CRYZL1: variants seen among roughly 807,000 people sequenced by gnomAD.
The protein encoded by CRYZL1 is crystallin zeta like 1, also known as ferry endosomal RAB5 effector complex subunit 4.
Under a neutral mutation model 50.6 loss-of-function variants are expected in CRYZL1, and 34 were observed. The observed-to-expected ratio is 0.67, with a 90% CI of 0.51 to 0.89. CRYZL1 has a LOEUF of 0.89. CRYZL1 is among the 40% of genes least tolerant of loss of function. The pLI is 0.00. For missense variants in CRYZL1, 354 were observed against 402.3 expected (o/e 0.88, Z 1.03); for synonymous variants, 125 against 134.3 (o/e 0.93, Z 0.48).
intron 6 of CRYZL1, among the ~76,000 whole-genome samples, chr21:33,608,740 T>C (rs985057618): frequency 6.6e-6 from 1 of 152,206 alleles, no homozygotes; most frequent in African/African-American, 2.4e-5. Context: ...TTCCATTGTG[T>C]ATATCTATAT....
chr21:33,620,609 G>A (rs190826729), intron 4 of CRYZL1, among the ~76,000 whole-genome samples: 131 of 151,780 alleles, frequency 8.6e-4, no homozygotes, highest in East Asian at 3.9e-4. Context: ...TCAGGAGTTC[G>A]AGACCAGCCT....
intron 1 of CRYZL1, among the ~76,000 whole-genome samples, chr21:33,639,540 C>T (rs74331263): frequency 6.6e-6 from 1 of 152,078 alleles, no homozygotes; most frequent in Non-Finnish European, 1.5e-5. Flanking sequence ...GGGATCCTCC[C>T]GAAACTCTAC....
At chr21:33,602,071 C>A (rs1394107863) in intron 8 of CRYZL1, among the ~76,000 whole-genome samples, 163 bp downstream of exon 8, 1 of 150,958 alleles carries the variant, frequency 6.6e-6, no homozygotes, top group East Asian at 1.9e-4. Flanking sequence ...AACTCCTGGG[C>A]TCAAGCAATC....
intron 8 of CRYZL1, among the ~76,000 whole-genome samples, chr21:33,600,912 C>A (rs554022297): frequency 2.2e-5 from 3 of 136,638 alleles, no homozygotes; most frequent in African/African-American, 5.5e-5. Flanking sequence ...TAGGTATGAG[C>A]CACTGTGCCC....
At chr21:33,615,866 G>T (rs2086924160) in intron 5 of CRYZL1, among the ~76,000 whole-genome samples, 1 of 152,034 alleles carries the variant, frequency 6.6e-6, no homozygotes, top group African/African-American at 2.4e-5. Flanking sequence ...CCAGAAAAAG[G>T]CTACACCAAG....
chr21:33,613,632 G>A (rs909876972), intron 5 of CRYZL1, 26 bp from the exon 6 acceptor site: 1 of 1,537,228 alleles, frequency 6.5e-7, no homozygotes, highest in Non-Finnish European at 9.0e-7. Context: ...AGAAATTAAA[G>A]GGATGTAAGT....
At chr21:33,591,776 G>A (rs1473905129) in intron 11 of CRYZL1, 1 of 152,266 alleles carries the variant, frequency 6.6e-6, no homozygotes, top group African/African-American at 2.4e-5. Flanking sequence ...GCAGCAGCTT[G>A]GGAAACAAGG....
chr21:33,602,375 A>G (rs772543551), intron 7 of CRYZL1, 30 bp from the exon 8 acceptor site: 1 of 1,046,620 alleles, frequency 9.6e-7, no homozygotes, highest in East Asian at 2.4e-5. Flanking sequence ...CAGTGGGTGT[A>G]TGGTTATAGA....
chr21:33,631,981 T>A (rs1388775485), intron 1 of CRYZL1, among the ~76,000 whole-genome samples: 1 of 152,112 alleles, frequency 6.6e-6, no homozygotes, highest in East Asian at 1.9e-4. Context: ...GGTTGAAAAT[T>A]GTGGCCCTAA....
At chr21:33,595,562 T>C in intron 11 of CRYZL1, 169 bp downstream of exon 11, 1 of 1,308,890 alleles carries the variant, frequency 7.6e-7, no homozygotes, top group Non-Finnish European at 1.1e-6. Context: ...TACTTACATC[T>C]CAAAAGGCTG....
chr21:33,638,171 C>A (rs1188400177), intron 1 of CRYZL1, among the ~76,000 whole-genome samples: 1 of 149,992 alleles, frequency 6.7e-6, no homozygotes, highest in Non-Finnish European at 1.5e-5. Flanking sequence ...ATATATTCTG[C>A]AGGGTGTGGA....
At chr21:33,607,325 C>T (rs889845048) in intron 6 of CRYZL1, among the ~76,000 whole-genome samples, 1 of 152,144 alleles carries the variant, frequency 6.6e-6, no homozygotes, top group Non-Finnish European at 1.5e-5. Flanking sequence ...TTGAAAGTGA[C>T]TGAGCACTGA....
At chr21:33,635,715 G>A (rs1401264988) in intron 1 of CRYZL1, among the ~76,000 whole-genome samples, 1 of 2,738 alleles carries the variant, frequency 3.7e-4, no homozygotes, top group Non-Finnish European at 1.2e-3. Context: ...GCCGGGCATG[G>A]TGCTCACGCC....
At chr21:33,632,160 TAAAA>T (rs753671237) in intron 1 of CRYZL1, among the ~76,000 whole-genome samples, 1 of 90,888 alleles carries the variant, frequency 1.1e-5, no homozygotes. Context: ...CCATCTCTAC[TAAAA>T]AAAAAAAAAA....
chr21:33,616,500 C>A (rs762664827), intron 5 of CRYZL1: 30 of 798,284 alleles, frequency 3.8e-5, no homozygotes, highest in Non-Finnish European at 5.2e-5. Context: ...CCATGTTGGT[C>A]AGGCTGGTCT....
Position 33,612,749 on chromosome 21 carries a change from A to G in CRYZL1, c.331+789T>C, listed in dbSNP as rs1326470006. 2.0e-5 allele frequency among the ~76,000 whole-genome samples: 3 copies of G among 152,254 alleles called. No individual in the cohort carries two copies. The East Asian group carries it at 5.8e-4, about 29-fold the overall frequency. On this transcript the variant is annotated intron_variant, in intron 6 of 12. Transcript: ENST00000381554. ...TACATGTACTTTAAATATTCAAAAAATAAATTACCATAAGAAAAATTAAAA... is the reference window on the plus strand; with the variant it reads ...TACATGTACTTTAAATATTCAAAAAGTAAATTACCATAAGAAAAATTAAAA...
chr21:33,606,078 GTACTT>G (rs1465888053), intron 6 of CRYZL1, among the ~76,000 whole-genome samples: 1 of 152,156 alleles, frequency 6.6e-6, no homozygotes, highest in African/African-American at 2.4e-5. Flanking sequence ...AGCACACACA[GTACTT>G]TATTCCTTAG....
chr21:33,602,998 A>C, intron 7 of CRYZL1, among the ~76,000 whole-genome samples: 1 of 152,108 alleles, frequency 6.6e-6, no homozygotes, highest in East Asian at 1.9e-4. Context: ...AATATGTTTA[A>C]ATTAGGACGT....
chr21:33,600,938 T>TTTTTTG lies in CRYZL1; in HGVS notation c.577+1295_577+1296insCAAAAA, dbSNP rs1334558715. Among the ~76,000 whole-genome samples the TTTTTTG allele has an allele frequency of 2.0e-4, 21 of 106,734 alleles. 2 individuals are homozygous for TTTTTTG. In the East Asian group the frequency reaches 5.8e-3, roughly 30 times the overall value. The allele number at this position is 106,734 out of a possible 152,430, so 70.0% of individuals were successfully genotyped here. A position where few individuals can be genotyped will look rare whatever the true frequency, so the allele number is the denominator to read the frequency against. ...CACTGTGCCCGGTCCATAAAGTTTT[T>TTTTTTG]TTTTTTTTTTTTTTTGGGGGCGGAC... On this transcript the variant is annotated intron_variant, in intron 8 of 12. Coordinates refer to ENST00000381554, the MANE Select transcript of CRYZL1 (RefSeq NM_145858.3).
Sources: gnomAD v4.1 joint callset for allele counts (sites outside exome capture counted in the v4.1 genomes callset) on GRCh38, gnomAD v4.1.1 for gene constraint, MANE v1.5 for transcripts, NCBI Gene and HGNC (gene_info 2026-07-23, HGNC 2026-07-21) for gene names.